The following ARSB variants were observed in gnomAD, a reference collection of about 807,000 sequenced individuals.
ARSB encodes arylsulfatase B.
A neutral mutation model predicts 50.9 loss-of-function variants in ARSB; 41 were observed. The ratio of observed to expected loss-of-function variants is 0.81; its 90% CI spans 0.63 to 1.04. ARSB has a LOEUF of 1.04. Among genes scored for constraint, ARSB ranks in the 50% least tolerant of loss-of-function variants. ARSB has a pLI of 0.00. For missense variants in ARSB, 672 were observed against 693.3 expected (o/e 0.97, Z 0.35); for synonymous variants, 269 against 284.8 (o/e 0.94, Z 0.56).
At chr5:78,963,969 A>T (rs2112512219) in intron 3 of ARSB, among the ~76,000 whole-genome samples, 1 of 152,328 alleles carries the variant, frequency 6.6e-6, no homozygotes, top group South Asian at 2.1e-4. Context: ...AAATTTATGG[A>T]TCCCTTAACC....
chr5:78,985,369 C>A, upstream of ARSB: 12 of 1,041,350 alleles, frequency 1.2e-5, no homozygotes, highest in Non-Finnish European at 1.5e-5. Flanking sequence ...CCCCAGCGGG[C>A]CGTGGGCTTG....
chr5:78,781,643 A>G (rs1263597178), intron 7 of ARSB, among the ~76,000 whole-genome samples: 1 of 152,184 alleles, frequency 6.6e-6, no homozygotes, highest in African/African-American at 2.4e-5. Flanking sequence ...AAAGTGAGGT[A>G]AGTGGTAGGG....
At chr5:78,880,293 A>G (rs1322621064) in intron 5 of ARSB, among the ~76,000 whole-genome samples, 1 of 152,256 alleles carries the variant, frequency 6.6e-6, no homozygotes, top group African/African-American at 2.4e-5. Context: ...AAATTTAGCT[A>G]TATGGACAAA....
At chr5:78,906,374 C>T (rs913711339) in intron 4 of ARSB, among the ~76,000 whole-genome samples, 1 of 151,924 alleles carries the variant, frequency 6.6e-6, no homozygotes, top group African/African-American at 2.4e-5. Context: ...AATAGGAATT[C>T]CCCATATTCT....
At chr5:78,889,205 A>G (rs1748171835) in intron 4 of ARSB, among the ~76,000 whole-genome samples, 1 of 152,250 alleles carries the variant, frequency 6.6e-6, no homozygotes, top group Non-Finnish European at 1.5e-5. Context: ...TAGGAGTAGC[A>G]ACAAGAATAA....
At chr5:78,965,297 G>A (rs994319919) in intron 2 of ARSB, among the ~76,000 whole-genome samples, 7 of 150,326 alleles carry the variant, frequency 4.7e-5, no homozygotes, top group African/African-American at 1.5e-4. Context: ...CTCAAATATA[G>A]TTGTTTCTGC....
At chr5:78,848,143 G>A (rs1032147011) in intron 5 of ARSB, among the ~76,000 whole-genome samples, 2 of 150,546 alleles carry the variant, frequency 1.3e-5, no homozygotes, top group African/African-American at 4.9e-5. Context: ...ATGTATACAT[G>A]TGCCATGCTG....
intron 4 of ARSB, among the ~76,000 whole-genome samples, chr5:78,937,390 T>G (rs1171662940): frequency 6.9e-6 from 1 of 144,846 alleles, no homozygotes; most frequent in African/African-American, 2.5e-5. Context: ...ATATATATCA[T>G]ATATATGTAA....
chr5:78,813,418 A>T (rs1164866633), intron 6 of ARSB, among the ~76,000 whole-genome samples: 1 of 152,176 alleles, frequency 6.6e-6, no homozygotes, highest in Non-Finnish European at 1.5e-5. Context: ...ATTAAACATG[A>T]GATATAATCT....
chr5:78,865,150 A>T (rs1746656114), intron 5 of ARSB, among the ~76,000 whole-genome samples: 1 of 151,802 alleles, frequency 6.6e-6, no homozygotes, highest in East Asian at 1.9e-4. Flanking sequence ...TTTCCCTTCC[A>T]TCCTGCCCTA....
At chr5:78,869,016 G>C (rs12234098) in intron 5 of ARSB, among the ~76,000 whole-genome samples, 18,756 of 150,390 alleles carry the variant, frequency 0.12, 1,354 homozygotes, top group Middle Eastern at 0.22. Context: ...TGCAATCCTA[G>C]TCTCTGATAA....
At chr5:78,875,959 C>T (rs183226189) in intron 5 of ARSB, among the ~76,000 whole-genome samples, 7 of 152,144 alleles carry the variant, frequency 4.6e-5, no homozygotes, top group African/African-American at 1.4e-4. Context: ...TAAGCCACTG[C>T]GCCTGACCTA....
chr5:78,858,734 T>A (rs1746277624), intron 5 of ARSB, among the ~76,000 whole-genome samples: 1 of 152,274 alleles, frequency 6.6e-6, no homozygotes, highest in East Asian at 1.9e-4. Flanking sequence ...AATGAAAACA[T>A]TGACCAACAC....
At chr5:78,851,068 G>C (rs1745749612) in intron 5 of ARSB, among the ~76,000 whole-genome samples, 1 of 152,088 alleles carries the variant, frequency 6.6e-6, no homozygotes, top group Admixed American at 6.6e-5. Flanking sequence ...CTTCAGTTCT[G>C]CTCTGATCTT....
At chr5:78,872,174 T>C (rs1747228066) in intron 5 of ARSB, among the ~76,000 whole-genome samples, 1 of 149,442 alleles carries the variant, frequency 6.7e-6, no homozygotes, top group African/African-American at 2.4e-5. Flanking sequence ...CAACAGGTGC[T>C]GGAGAGGATG....
intron 5 of ARSB, among the ~76,000 whole-genome samples, chr5:78,860,238 T>C (rs966311599): frequency 4.6e-5 from 7 of 152,148 alleles, no homozygotes; most frequent in Non-Finnish European, 8.8e-5. Context: ...AAGTCTCCCA[T>C]TATTATTGTG....
At chr5:78,983,176 C>A (rs1752989560) in intron 1 of ARSB, among the ~76,000 whole-genome samples, 1 of 152,142 alleles carries the variant, frequency 6.6e-6, no homozygotes, top group African/African-American at 2.4e-5. Flanking sequence ...GACTCAGTCT[C>A]CCGAGTAGCT....
At chr5:78,950,455 T>G (rs1303499041) in intron 4 of ARSB, among the ~76,000 whole-genome samples, 2 of 152,100 alleles carry the variant, frequency 1.3e-5, no homozygotes, top group Admixed American at 6.5e-5. Flanking sequence ...AATTATTACC[T>G]CCTCTACTTC....
In ARSB at chr5:78,932,078, A is replaced by G. The variant is rs143415119; in HGVS notation, c.898+23217T>C. ...TTTCTTTATAGCAGTGTGAGAATGG[A>G]CTAATACACTGATTTTCACCCAATT... On this transcript the variant is annotated intron_variant, in intron 4 of 7. Coordinates refer to ENST00000264914, the MANE Select transcript of ARSB (RefSeq NM_000046.5). Among the ~76,000 whole-genome samples the G allele has an allele frequency of 3.1e-3, 476 of 152,318 alleles. 1 individual carries two copies. Among genetic ancestry groups the G allele is most frequent in the Non-Finnish European group, 5.1e-3 (349 of 68,028 alleles).
Sources: gnomAD v4.1 joint callset for allele counts (sites outside exome capture counted in the v4.1 genomes callset) on GRCh38, gnomAD v4.1.1 for gene constraint, MANE v1.5 for transcripts, NCBI Gene and HGNC (gene_info 2026-07-23, HGNC 2026-07-21) for gene names.